The following PLCXD3 variants were observed in gnomAD, a reference collection of about 807,000 sequenced individuals.
PLCXD3 encodes PI-PLC X domain-containing protein 3.
PLCXD3 carries 19 observed loss-of-function variants against 25.5 expected under a neutral mutation model. That is an observed-to-expected ratio of 0.75 (90% confidence interval 0.52 to 1.09). The LOEUF (loss-of-function observed/expected upper bound fraction) is 1.09, where lower values mean the gene tolerates loss of function less well. Ranked by LOEUF, PLCXD3 falls within the 50% of genes least tolerant of loss-of-function variation. The pLI is 0.00. For missense variants in PLCXD3, 411 were observed against 388.1 expected (o/e 1.06, Z -0.50); for synonymous variants, 174 against 137.6 (o/e 1.26, Z -1.85).
At chr5:41,383,685 T>C (rs1016170940) in intron 1 of PLCXD3, among the ~76,000 whole-genome samples, 1 of 152,070 alleles carries the variant, frequency 6.6e-6, no homozygotes, top group South Asian at 2.1e-4. Context: ...TTCCTCTGAG[T>C]GCACTTTGTT....
At chr5:41,421,972 A>G (rs929050089) in intron 1 of PLCXD3, among the ~76,000 whole-genome samples, 3 of 115,440 alleles carry the variant, frequency 2.6e-5, no homozygotes, top group African/African-American at 1.0e-4. Flanking sequence ...AGAAATATAA[A>G]CAACCTAGGT....
chr5:41,356,680 C>A (rs924953975), intron 2 of PLCXD3, among the ~76,000 whole-genome samples: 1 of 152,204 alleles, frequency 6.6e-6, no homozygotes, highest in South Asian at 2.1e-4. Flanking sequence ...CTGAACAAAC[C>A]TTTTTGCCAT....
intron 1 of PLCXD3, among the ~76,000 whole-genome samples, chr5:41,449,288 A>T (rs548899892): frequency 3.9e-5 from 6 of 152,302 alleles, no homozygotes; most frequent in Admixed American, 3.3e-4. Context: ...TCAGAAAAAA[A>T]TTTTAATGAA....
intron 1 of PLCXD3, among the ~76,000 whole-genome samples, chr5:41,441,984 A>G (rs964794916): frequency 6.6e-6 from 1 of 152,214 alleles, no homozygotes; most frequent in Non-Finnish European, 1.5e-5. Flanking sequence ...TGTTTGTAAA[A>G]GCAAAATTTA....
chr5:41,510,125 C>T (rs1271046392), intron 1 of PLCXD3, among the ~76,000 whole-genome samples: 4 of 152,044 alleles, frequency 2.6e-5, no homozygotes, highest in African/African-American at 9.7e-5. Context: ...GAGGGGGTCA[C>T]GAGGCACCAT....
At chr5:41,490,194 A>T (rs1044008323) in intron 1 of PLCXD3, among the ~76,000 whole-genome samples, 1 of 152,176 alleles carries the variant, frequency 6.6e-6, no homozygotes, top group Non-Finnish European at 1.5e-5. Flanking sequence ...TGAGATAATC[A>T]CGTGGTTTTT....
rs1580291050 is a variant in PLCXD3 at position 41,313,029 on chromosome 5, A to G, written c.*588T>C. ...TTTCATATAACAAAAATCACTGATT[A>G]TGACCTTCAATATTACTGATGCATG... On this transcript the variant is annotated 3_prime_UTR_variant, in exon 3 of 3. Transcript: ENST00000377801. 1 of 152,710 alleles carries G rather than the reference A, an allele frequency of 6.5e-6. No individual in the cohort carries two copies. Among genetic ancestry groups the G allele is most frequent in the South Asian group, 2.1e-4 (1 of 4,836 alleles). The allele number at this position is 152,710 out of a possible 1,614,324, so 9.5% of individuals were successfully genotyped here.
At chr5:41,383,694 T>C (rs1028174276) in intron 1 of PLCXD3, among the ~76,000 whole-genome samples, 1 of 152,076 alleles carries the variant, frequency 6.6e-6, no homozygotes, top group East Asian at 1.9e-4. Flanking sequence ...GTGCACTTTG[T>C]TGCCCCATTC....
chr5:41,382,278 T>G lies in PLCXD3; in HGVS notation c.360A>C (p.Lys120Asn). 6.2e-7 allele frequency: 1 copy of G among 1,613,692 alleles called. No homozygotes were observed. The highest frequency in any genetic ancestry group is 1.1e-5 in the South Asian group (1 of 91,078). Residue 120 changes from lysine (K) to asparagine (N), a missense_variant, in exon 2 of 3, where the codon AAA becomes AAC. Coordinates refer to ENST00000377801, the MANE Select transcript of PLCXD3 (RefSeq NM_001005473.3). Reference sequence around the variant, plus strand: ...TGATCTCCTCAAGGCCTTCATTGACTTTGGCACTGAACAAACCATGAGCAA... The same window carrying G: ...TGATCTCCTCAAGGCCTTCATTGACGTTGGCACTGAACAAACCATGAGCAA... The part of the protein sequence containing the change: ...LYFAHGLFSA[K>N]VNEGLEEINA...
intron 1 of PLCXD3, among the ~76,000 whole-genome samples, chr5:41,434,423 C>G (rs76120205): frequency 6.6e-6 from 1 of 152,146 alleles, no homozygotes; most frequent in Non-Finnish European, 1.5e-5. Flanking sequence ...GGGAGAATGG[C>G]TAATACCAGA....
intron 2 of PLCXD3, among the ~76,000 whole-genome samples, chr5:41,357,109 CTT>C (rs1211832737): frequency 6.6e-6 from 1 of 152,162 alleles, no homozygotes; most frequent in Non-Finnish European, 1.5e-5. Flanking sequence ...TGCTGGGTCA[CTT>C]GATGTATTTA....
chr5:41,421,714 AAAAC>A (rs200134588), intron 1 of PLCXD3, among the ~76,000 whole-genome samples: 28 of 152,260 alleles, frequency 1.8e-4, no homozygotes, highest in Middle Eastern at 6.8e-3. Context: ...AAAACAAAAC[AAAAC>A]AAACAAACAA....
intron 1 of PLCXD3, among the ~76,000 whole-genome samples, chr5:41,404,922 G>A (rs1264005870): frequency 1.3e-5 from 2 of 152,090 alleles, no homozygotes; most frequent in African/African-American, 4.8e-5. Context: ...TGGAATTCAG[G>A]CTTTGACTCA....
chr5:41,360,553 C>A (rs1210986929), intron 2 of PLCXD3, among the ~76,000 whole-genome samples: 1 of 151,800 alleles, frequency 6.6e-6, no homozygotes, highest in East Asian at 1.9e-4. Context: ...GGAGTGCTCC[C>A]TTGATGTGGT....
At chr5:41,361,575 G>A (rs1223316723) in intron 2 of PLCXD3, among the ~76,000 whole-genome samples, 1 of 152,136 alleles carries the variant, frequency 6.6e-6, no homozygotes, top group Admixed American at 6.5e-5. Flanking sequence ...TCCACTTTGG[G>A]CTACTTAAAC....
intron 1 of PLCXD3, among the ~76,000 whole-genome samples, chr5:41,494,114 G>T (rs1039293835): frequency 1.3e-5 from 2 of 152,140 alleles, no homozygotes; most frequent in African/African-American, 4.8e-5. Context: ...CTTATTTATT[G>T]TTAAGACAGG....
intron 1 of PLCXD3, among the ~76,000 whole-genome samples, chr5:41,485,675 T>C (rs1381560916): frequency 2.0e-5 from 3 of 152,172 alleles, no homozygotes; most frequent in Admixed American, 6.5e-5. Flanking sequence ...CTTCCTGGAA[T>C]AGAATCAGCA....
chr5:41,419,578 C>G (rs558253391), intron 1 of PLCXD3, among the ~76,000 whole-genome samples: 7 of 152,160 alleles, frequency 4.6e-5, no homozygotes, highest in Admixed American at 1.3e-4. Context: ...GAGGTTTTTC[C>G]CCCAGAGATA....
intron 1 of PLCXD3, among the ~76,000 whole-genome samples, chr5:41,424,072 A>G (rs1332037143): frequency 6.6e-6 from 1 of 152,172 alleles, no homozygotes; most frequent in African/African-American, 2.4e-5. Context: ...TTGTCTTGCA[A>G]AATTCAAACT....
Sources: allele counts gnomAD v4.1 joint callset (sites outside exome capture counted in the v4.1 genomes callset), GRCh38; gene constraint gnomAD v4.1.1; transcripts MANE v1.5; gene names NCBI Gene and HGNC (gene_info 2026-07-23, HGNC 2026-07-21).